Variants in PCSK6 observed in about 807,000 individuals in gnomAD.
PCSK6 encodes proprotein convertase subtilisin/kexin type 6.
In PCSK6, 85 loss-of-function variants were observed where a neutral mutation model predicts 123.3. The observed-to-expected ratio is 0.69, with a 90% CI of 0.58 to 0.83. The LOEUF (loss-of-function observed/expected upper bound fraction) is 0.83, where lower values mean the gene tolerates loss of function less well. PCSK6 is among the 40% of genes least tolerant of loss of function. The probability of loss-of-function intolerance (pLI) is 0.00; values close to 1 mark genes in which losing one functional copy is unlikely to be tolerated. For missense variants in PCSK6, 1,191 were observed against 1,282.3 expected (o/e 0.93, Z 1.09); for synonymous variants, 508 against 516.0 (o/e 0.98, Z 0.21).
intron 1 of PCSK6, among the ~76,000 whole-genome samples, chr15:101,461,771 A>G (rs1257780970): frequency 6.6e-6 from 1 of 152,222 alleles, no homozygotes; most frequent in Non-Finnish European, 1.5e-5. Flanking sequence ...TTCAAAACCC[A>G]TATGATTAAA....
intron 13 of PCSK6, among the ~76,000 whole-genome samples, chr15:101,356,505 C>CAAAAAAAAA (rs34350017): frequency 4.3e-4 from 37 of 86,136 alleles, no homozygotes; most frequent in East Asian, 9.4e-4. Context: ...ACTAAAACTA[C>CAAAAAAAAA]AAAAAAAAAA....
At position 101,331,913 on chromosome 15, in the gene PCSK6, T is replaced by TGGCTCCAGCTCTGGGGCTGAG. The variant is rs1267476587; in HGVS notation, c.1956_1976dup (p.Ser653_Pro659dup). 1.2e-6 allele frequency: 2 copies of TGGCTCCAGCTCTGGGGCTGAG among 1,613,836 alleles called. No individual in the cohort carries two copies. Among genetic ancestry groups the TGGCTCCAGCTCTGGGGCTGAG allele is most frequent in the African/African-American group, 1.3e-5 (1 of 74,946 alleles). On this transcript the variant is annotated inframe_insertion, in exon 14 of 22. Coordinates refer to ENST00000611716, the MANE Select transcript of PCSK6 (RefSeq NM_002570.5). ...GGGAGGGTGACAGGGCAGCCTTGGG[T>TGGCTCCAGCTCTGGGGCTGAG]GGCTCCAGCTCTGGGGCTGAGAGCT...
At chr15:101,408,263 G>A (rs943239913) in intron 6 of PCSK6, among the ~76,000 whole-genome samples, 9 of 152,224 alleles carry the variant, frequency 5.9e-5, no homozygotes, top group South Asian at 4.1e-4. Context: ...CGTTCATGCC[G>A]CCATGAACAA....
intron 1 of PCSK6, among the ~76,000 whole-genome samples, chr15:101,464,323 G>A (rs2057406302): frequency 6.6e-6 from 1 of 152,174 alleles, no homozygotes. Context: ...CTCCAAGCGG[G>A]ACGAAATGCA....
chr15:101,460,425 A>C (rs1486768257), intron 1 of PCSK6, among the ~76,000 whole-genome samples: 1 of 152,086 alleles, frequency 6.6e-6, no homozygotes, highest in South Asian at 2.1e-4. Flanking sequence ...GGGCCAGCCC[A>C]AACACCTGCT....
At chr15:101,474,664 C>G (rs537355609) in intron 1 of PCSK6, among the ~76,000 whole-genome samples, 1 of 152,328 alleles carries the variant, frequency 6.6e-6, no homozygotes, top group East Asian at 1.9e-4. Flanking sequence ...GACCCACTCT[C>G]CACCATTCTC....
chr15:101,454,664 G>C (rs766695445), intron 1 of PCSK6, among the ~76,000 whole-genome samples: 4 of 152,146 alleles, frequency 2.6e-5, no homozygotes, highest in Non-Finnish European at 5.9e-5. Flanking sequence ...TTTCAGGCCA[G>C]GCACAGTGGC....
At chr15:101,447,966 G>A (rs1206441618) in intron 1 of PCSK6, among the ~76,000 whole-genome samples, 1 of 152,236 alleles carries the variant, frequency 6.6e-6, no homozygotes, top group Non-Finnish European at 1.5e-5. Context: ...ACCATCCCAG[G>A]CTGCGTCCCA....
chr15:101,444,616 A>C lies in PCSK6; in HGVS notation c.298-956T>G, dbSNP rs2056839844. 2.0e-5 allele frequency among the ~76,000 whole-genome samples: 3 copies of C among 152,308 alleles called. No individual in the cohort carries two copies. The South Asian group carries it at 6.2e-4, about 32-fold the overall frequency. On this transcript the variant is annotated intron_variant, in intron 1 of 21. Coordinates refer to ENST00000611716, the MANE Select transcript of PCSK6 (RefSeq NM_002570.5). ...TTTTGAGTCAGATCGATTTGGTCCA[A>C]ACCCTTCCTACCCCTCCACCAAGAT...
At position 101,340,378 on chromosome 15, in the gene PCSK6, G is replaced by A. The variant is rs529415311; in HGVS notation, c.1859-8347C>T. 3.9e-5 allele frequency among the ~76,000 whole-genome samples: 6 copies of A among 152,262 alleles called. No individual in the cohort carries two copies. In the South Asian group the frequency reaches 8.3e-4, roughly 21 times the overall value. On this transcript the variant is annotated intron_variant, in intron 13 of 21. Transcript: ENST00000611716. ...AAGAATCCTAAACAAATATCCTTTC[G>A]GGAAAGAATGATCACCTGTGTGTAC...
At chr15:101,347,778 C>G in intron 13 of PCSK6, 1 of 1,613,092 alleles carries the variant, frequency 6.2e-7, no homozygotes. Context: ...TCCAGGTTCC[C>G]TGGAAAACAA....
intron 9 of PCSK6, among the ~76,000 whole-genome samples, chr15:101,388,481 C>T (rs1430112113): frequency 1.3e-5 from 2 of 151,816 alleles, no homozygotes; most frequent in Non-Finnish European, 2.9e-5. Flanking sequence ...GGTTAACTTG[C>T]TTTTCTTTCT....
intron 13 of PCSK6, among the ~76,000 whole-genome samples, chr15:101,361,682 C>G (rs2041226753): frequency 6.6e-6 from 1 of 152,158 alleles, no homozygotes; most frequent in Non-Finnish European, 1.5e-5. Context: ...GGGTTTTGCT[C>G]TAAGAGCTGT....
chr15:101,429,960 C>A, intron 5 of PCSK6, 27 bp downstream of exon 5: 1 of 1,579,808 alleles, frequency 6.3e-7, no homozygotes. Context: ...GGAAGAGAAG[C>A]CGGGGAGATG....
At chr15:101,362,008 G>C (rs535961121) in intron 13 of PCSK6, among the ~76,000 whole-genome samples, 2 of 147,878 alleles carry the variant, frequency 1.4e-5, no homozygotes, top group South Asian at 2.2e-4. Context: ...CCAGGCTGGA[G>C]TGCAGTGGCG....
chr15:101,310,268 C>T (rs2039825326), intron 20 of PCSK6, among the ~76,000 whole-genome samples: 1 of 152,240 alleles, frequency 6.6e-6, no homozygotes, highest in South Asian at 2.1e-4. Context: ...TGCCCCTCAC[C>T]TGGGAACAAG....
intron 6 of PCSK6, among the ~76,000 whole-genome samples, chr15:101,414,116 C>T (rs997363497): frequency 2.6e-5 from 4 of 152,208 alleles, no homozygotes; most frequent in Non-Finnish European, 5.9e-5. Flanking sequence ...GTCAGCAACA[C>T]TGAATACCAA....
chr15:101,411,534 T>C (rs1316030041), intron 6 of PCSK6, among the ~76,000 whole-genome samples: 1 of 151,854 alleles, frequency 6.6e-6, no homozygotes, highest in Non-Finnish European at 1.5e-5. Context: ...CATGCAGGGG[T>C]GGACGACCAA....
chr15:101,312,963 C>G (rs907067822), intron 20 of PCSK6: 2 of 1,021,604 alleles, frequency 2.0e-6, no homozygotes, highest in African/African-American at 3.4e-5. Context: ...TGAGGTCACA[C>G]CAGTGCACTC....
Sources: allele counts gnomAD v4.1 joint callset (sites outside exome capture counted in the v4.1 genomes callset), GRCh38; gene constraint gnomAD v4.1.1; transcripts MANE v1.5; gene names NCBI Gene and HGNC (gene_info 2026-07-23, HGNC 2026-07-21).